The following AGBL4 variants were observed in gnomAD, a reference collection of about 807,000 sequenced individuals.
AGBL4 encodes the protein AGBL carboxypeptidase 4, also known as cytosolic carboxypeptidase 6.
AGBL4 carries 58 observed loss-of-function variants against 66.4 expected under a neutral mutation model. The observed-to-expected ratio is 0.87, with a 90% CI of 0.71 to 1.09. The LOEUF is 1.09. AGBL4 is among the 50% of genes least tolerant of loss of function. The pLI is 0.00. For missense variants in AGBL4, 579 were observed against 631.0 expected (o/e 0.92, Z 0.88); for synonymous variants, 234 against 222.9 (o/e 1.05, Z -0.44).
At chr1:49,312,575 T>C (rs1434149361) in intron 3 of AGBL4, among the ~76,000 whole-genome samples, 1 of 151,992 alleles carries the variant, frequency 6.6e-6, no homozygotes, top group Admixed American at 6.6e-5. Flanking sequence ...GCAAAAACAA[T>C]ATATCAGATA....
intron 3 of AGBL4, among the ~76,000 whole-genome samples, chr1:49,648,589 G>A (rs1340129142): frequency 6.6e-6 from 1 of 151,572 alleles, no homozygotes; most frequent in East Asian, 1.9e-4. Context: ...AGAAAATCAA[G>A]GATAAAGAAA....
chr1:49,352,985 A>C (rs1044521462), intron 3 of AGBL4, among the ~76,000 whole-genome samples: 1 of 152,176 alleles, frequency 6.6e-6, no homozygotes, highest in African/African-American at 2.4e-5. Flanking sequence ...TCATCCCTTC[A>C]TCTAGGTGAC....
At chr1:49,103,039 T>C (rs1389391645) in intron 4 of AGBL4, among the ~76,000 whole-genome samples, 1 of 152,170 alleles carries the variant, frequency 6.6e-6, no homozygotes, top group Non-Finnish European at 1.5e-5. Flanking sequence ...TGATATAAAT[T>C]TCTACATAGC....
At chr1:49,964,387 T>G (rs1383255922) in intron 1 of AGBL4, among the ~76,000 whole-genome samples, 2 of 152,128 alleles carry the variant, frequency 1.3e-5, no homozygotes, top group Non-Finnish European at 2.9e-5. Flanking sequence ...CAGTATAATG[T>G]GTGTAAAAGC....
At chr1:49,799,127 A>G (rs946537950) in intron 2 of AGBL4, among the ~76,000 whole-genome samples, 2 of 152,192 alleles carry the variant, frequency 1.3e-5, no homozygotes, top group African/African-American at 4.8e-5. Context: ...CACCATGTGC[A>G]TTGCAAACGT....
chr1:49,882,932 C>G (rs1027125323), intron 1 of AGBL4, among the ~76,000 whole-genome samples: 14 of 152,068 alleles, frequency 9.2e-5, no homozygotes, highest in Non-Finnish European at 8.8e-5. Flanking sequence ...AAATGTCCCA[C>G]CAGACATTCA....
intron 1 of AGBL4, among the ~76,000 whole-genome samples, chr1:49,974,504 G>A (rs1219929780): frequency 6.6e-6 from 1 of 152,086 alleles, no homozygotes; most frequent in East Asian, 1.9e-4. Flanking sequence ...TTCTTCAGCT[G>A]GTAAGTGACA....
At chr1:49,184,746 A>C (rs2148193190) in intron 4 of AGBL4, among the ~76,000 whole-genome samples, 1 of 152,340 alleles carries the variant, frequency 6.6e-6, no homozygotes, top group South Asian at 2.1e-4. Context: ...ATAGAGGATA[A>C]GAACATGGGT....
At chr1:48,577,649 C>T (rs1215262927) in intron 11 of AGBL4, among the ~76,000 whole-genome samples, 2 of 152,096 alleles carry the variant, frequency 1.3e-5, no homozygotes, top group African/African-American at 4.8e-5. Context: ...GAGAGGCAGT[C>T]AGCCCAAGGC....
At chr1:49,325,997 A>G (rs1428858109) in intron 3 of AGBL4, among the ~76,000 whole-genome samples, 2 of 152,314 alleles carry the variant, frequency 1.3e-5, no homozygotes. Flanking sequence ...CCTGTACAAC[A>G]TGCAGAACCG....
chr1:48,657,495 C>A (rs1646039186), intron 7 of AGBL4, among the ~76,000 whole-genome samples: 1 of 152,198 alleles, frequency 6.6e-6, no homozygotes, highest in South Asian at 2.1e-4. Flanking sequence ...AGGGCAGGGC[C>A]TCCTGAAGGC....
At chr1:48,905,381 C>T (rs956873726) in intron 5 of AGBL4, among the ~76,000 whole-genome samples, 2 of 152,012 alleles carry the variant, frequency 1.3e-5, no homozygotes, top group African/African-American at 4.8e-5. Flanking sequence ...GCAATGTCTT[C>T]AAAACATAGT....
chr1:50,005,256 T>C (rs1281673918), intron 1 of AGBL4, among the ~76,000 whole-genome samples: 2 of 152,280 alleles, frequency 1.3e-5, no homozygotes, highest in African/African-American at 4.8e-5. Flanking sequence ...GGAGTTCTTC[T>C]GCCACCCCTC....
intron 4 of AGBL4, among the ~76,000 whole-genome samples, chr1:49,109,890 C>G (rs1645371686): frequency 1.3e-5 from 2 of 152,070 alleles, no homozygotes; most frequent in Non-Finnish European, 2.9e-5. Context: ...TCACAATAAG[C>G]CATCAATAAG....
chr1:49,723,769 CAT>C (rs1221775203), intron 2 of AGBL4, among the ~76,000 whole-genome samples: 2 of 152,128 alleles, frequency 1.3e-5, no homozygotes, highest in African/African-American at 2.4e-5. Context: ...GTCAGAAAGT[CAT>C]AGTTTTAAAG....
chr1:48,835,697 T>C (rs1312878259), intron 6 of AGBL4, among the ~76,000 whole-genome samples: 1 of 152,122 alleles, frequency 6.6e-6, no homozygotes, highest in African/African-American at 2.4e-5. Flanking sequence ...ATAATCTAAC[T>C]AAAAACAATT....
At chr1:49,078,294 T>G (rs1360247018) in intron 4 of AGBL4, among the ~76,000 whole-genome samples, 2 of 152,150 alleles carry the variant, frequency 1.3e-5, no homozygotes, top group African/African-American at 4.8e-5. Context: ...AATACATATA[T>G]ATGATGCTAA....
Position 48,539,720 on chromosome 1 carries a change from T to G in AGBL4, c.1286A>C (p.Asn429Thr). The G allele has an allele frequency of 6.5e-7, 1 of 1,542,436 alleles. No individual in the cohort carries two copies. The highest frequency in any genetic ancestry group is 8.8e-7 in the Non-Finnish European group (1 of 1,140,568). The part of the protein sequence containing the change: ...TEEAYMKLGR[N>T]VARTFLDYYR... ...ATAGTCCAAAAAGGTTCTTGCCACATTCCGCCCCAGCTTCATATCTGCAGG... is the reference window on the plus strand; with the variant it reads ...ATAGTCCAAAAAGGTTCTTGCCACAGTCCGCCCCAGCTTCATATCTGCAGG... Residue 429 changes from asparagine to threonine, a missense_variant, in exon 12 of 14, where the codon AAT becomes ACT. Asn to Thr is a moderately conservative substitution (Grantham distance 65, BLOSUM62 0). Transcript: ENST00000371839.
intron 8 of AGBL4, among the ~76,000 whole-genome samples, chr1:48,650,699 A>G (rs1175163216): frequency 6.6e-6 from 1 of 152,232 alleles, no homozygotes; most frequent in Non-Finnish European, 1.5e-5. Context: ...ATTGGCAAGT[A>G]GAATTCTTGG....
Sources: gnomAD v4.1 joint callset for allele counts (sites outside exome capture counted in the v4.1 genomes callset) on GRCh38, gnomAD v4.1.1 for gene constraint, MANE v1.5 for transcripts, NCBI Gene and HGNC (gene_info 2026-07-23, HGNC 2026-07-21) for gene names.